The following PCDHA7 variants were observed in gnomAD, a reference collection of about 807,000 sequenced individuals.
The protein encoded by PCDHA7 is protocadherin alpha-7.
In PCDHA7, 37 loss-of-function variants were observed where a neutral mutation model predicts 57.2. The observed-to-expected ratio is 0.65, with a 90% CI of 0.50 to 0.85. The LOEUF (loss-of-function observed/expected upper bound fraction) is 0.85. Among genes scored for constraint, PCDHA7 ranks in the 40% least tolerant of loss-of-function variants. PCDHA7 has a pLI of 0.00. For missense variants in PCDHA7, 1,188 were observed against 1,241.8 expected (o/e 0.96, Z 0.65); for synonymous variants, 553 against 558.8 (o/e 0.99, Z 0.15).
At chr5:140,864,034 T>C (rs2048289814) in intron 1 of PCDHA7, 1 of 153,038 alleles carries the variant, frequency 6.5e-6, no homozygotes, top group African/African-American at 2.4e-5. Flanking sequence ...CTAGCCATCT[T>C]AATCACTTTT....
At position 140,856,129 on chromosome 5, in the gene PCDHA7, C is replaced by A. The variant is rs149039484; in HGVS notation, c.2355+19391C>A. Reference sequence around the variant, plus strand: ...TCCTCGCAGCCTGGGAGGTGGGGAGCGGCCAGCTCCACTACTCAGTCTACG... The same window carrying A: ...TCCTCGCAGCCTGGGAGGTGGGGAGAGGCCAGCTCCACTACTCAGTCTACG... On this transcript the variant is annotated intron_variant, in intron 1 of 3. Coordinates refer to ENST00000525929, the MANE Select transcript of PCDHA7 (RefSeq NM_018910.3). 3,312 of 1,598,096 alleles carry A rather than the reference C, an allele frequency of 2.1e-3. 297 individuals are homozygous for A. Among genetic ancestry groups the A allele is most frequent in the Non-Finnish European group, 2.6e-3 (3,056 of 1,167,792 alleles).
intron 1 of PCDHA7, among the ~76,000 whole-genome samples, chr5:140,959,004 C>G (rs1554223791): frequency 6.6e-6 from 1 of 151,642 alleles, no homozygotes; most frequent in African/African-American, 2.4e-5. Flanking sequence ...TTTACTGTAC[C>G]TAATTTATAC....
chr5:140,969,261 T>G (rs2153777840), intron 1 of PCDHA7: 1 of 1,614,180 alleles, frequency 6.2e-7, no homozygotes, highest in South Asian at 1.1e-5. Flanking sequence ...AGCAGGAATC[T>G]CACAGGCCAA....
At chr5:140,986,508 G>T (rs1043049646) in intron 3 of PCDHA7, among the ~76,000 whole-genome samples, 26 of 152,184 alleles carry the variant, frequency 1.7e-4, no homozygotes, top group African/African-American at 5.3e-4. Context: ...TAAAAGGACT[G>T]CCCCTGCCTG....
At chr5:140,938,187 C>A (rs1584944424) in intron 1 of PCDHA7, among the ~76,000 whole-genome samples, 1 of 152,276 alleles carries the variant, frequency 6.6e-6, no homozygotes, top group Non-Finnish European at 1.5e-5. Context: ...CTCAAGCAAT[C>A]CTCCCACGCC....
chr5:140,856,138 C>T (rs1463600919), intron 1 of PCDHA7: 4 of 1,598,158 alleles, frequency 2.5e-6, no homozygotes, highest in East Asian at 4.5e-5. Flanking sequence ...GCGGCCAGCT[C>T]CACTACTCAG....
chr5:140,978,544 A>G (rs2096808919), intron 1 of PCDHA7, among the ~76,000 whole-genome samples: 1 of 152,234 alleles, frequency 6.6e-6, no homozygotes, highest in Non-Finnish European at 1.5e-5. Context: ...TTGTGTAGCC[A>G]TGTGCCCTGT....
At chr5:140,969,608 CAG>C in intron 1 of PCDHA7, 1 of 747,330 alleles carries the variant, frequency 1.3e-6, no homozygotes, top group South Asian at 2.1e-5. Flanking sequence ...TGCTAAAACA[CAG>C]ATTTGTAGAG....
At chr5:141,000,410 TATATATATATA>T (rs1554257433) in intron 3 of PCDHA7, among the ~76,000 whole-genome samples, 1 of 101,972 alleles carries the variant, frequency 9.8e-6, no homozygotes, top group Non-Finnish European at 2.0e-5. Context: ...TATATATATA[TATATATATATA>T]TTTTTTTTTT....
chr5:140,972,820 C>A (rs1247488574), intron 1 of PCDHA7, among the ~76,000 whole-genome samples: 3 of 151,964 alleles, frequency 2.0e-5, no homozygotes, highest in Admixed American at 6.6e-5. Context: ...CGCGCCACCA[C>A]GCCTGGCTAA....
rs79336587 is a variant in PCDHA7 at position 140,997,550 on chromosome 5, C to T, written c.2504-12077C>T. Reference sequence around the variant, plus strand: ...ATAAAAATACATTATTATAATCTTACAGGACAACTGTCATATGTGTGGTCC... The same window carrying T: ...ATAAAAATACATTATTATAATCTTATAGGACAACTGTCATATGTGTGGTCC... On this transcript the variant is annotated intron_variant, in intron 3 of 3. Coordinates refer to ENST00000525929, the MANE Select transcript of PCDHA7 (RefSeq NM_018910.3). Among the ~76,000 whole-genome samples, 1,283 of 152,208 alleles carry T rather than the reference C, an allele frequency of 8.4e-3. 21 individuals carry two copies. The highest frequency in any genetic ancestry group is 0.029 in the African/African-American group (1,211 of 41,522).
In PCDHA7 at chr5:140,844,228, G is replaced by A. The variant is rs1179181710; in HGVS notation, c.2355+7490G>A. The stretch of plus-strand genomic sequence containing the variant: ...TCTGGTAGTCACAAATATCTTTGGT[G>A]TTTCACTATTGCCGTTTTAAGCAGT... On this transcript the variant is annotated intron_variant, in intron 1 of 3. Transcript: ENST00000525929. Among the ~76,000 whole-genome samples the A allele has an allele frequency of 2.0e-5, 3 of 149,332 alleles. 1 individual carries two copies. Among genetic ancestry groups the A allele is most frequent in the Non-Finnish European group, 3.0e-5 (2 of 66,778 alleles).
At position 141,009,998 on chromosome 5, in the gene PCDHA7, T is replaced by C. The variant is rs1046818514; in HGVS notation, c.*61T>C. 6 of 1,575,876 alleles carry C rather than the reference T, an allele frequency of 3.8e-6. No individual in the cohort carries two copies. The African/African-American group carries it at 5.5e-5, about 14-fold the overall frequency. ...TTGTAATAATGGCAAATCTCTCCCA[T>C]GTAGCAATTCCCTGCTCCTTTTTCC... is the stretch of plus-strand genomic sequence containing the variant. On this transcript the variant is annotated 3_prime_UTR_variant, in exon 4 of 4. Transcript: ENST00000525929.
chr5:140,910,924 A>G (rs568597600), intron 1 of PCDHA7, among the ~76,000 whole-genome samples: 2 of 152,260 alleles, frequency 1.3e-5, no homozygotes, highest in South Asian at 4.1e-4. Flanking sequence ...GCTTATATAA[A>G]TAAGAAAGCT....
intron 1 of PCDHA7, chr5:140,883,984 C>T: frequency 2.5e-6 from 4 of 1,612,818 alleles, no homozygotes. Context: ...GGGCTGGCAG[C>T]GCGGGAGGCA....
chr5:140,887,286 T>TG (rs1171397329), intron 1 of PCDHA7, among the ~76,000 whole-genome samples: 1 of 151,952 alleles, frequency 6.6e-6, no homozygotes, highest in Non-Finnish European at 1.5e-5. Context: ...TTAGTAGAGA[T>TG]GGGGTTTCAT....
At chr5:140,956,020 T>C (rs2095249402) in intron 1 of PCDHA7, among the ~76,000 whole-genome samples, 1 of 152,240 alleles carries the variant, frequency 6.6e-6, no homozygotes, top group Non-Finnish European at 1.5e-5. Context: ...TTTGCTGAAG[T>C]TGCTTATCAG....
At chr5:140,898,782 G>A (rs1170822216) in intron 1 of PCDHA7, among the ~76,000 whole-genome samples, 5 of 152,306 alleles carry the variant, frequency 3.3e-5, no homozygotes, top group Middle Eastern at 3.4e-3. Context: ...ACCTTGGGCA[G>A]TATGGCCATT....
chr5:140,993,617 C>A (rs1299213362), intron 3 of PCDHA7, among the ~76,000 whole-genome samples: 3 of 152,034 alleles, frequency 2.0e-5, no homozygotes, highest in Non-Finnish European at 4.4e-5. Context: ...TGTTGGGACC[C>A]TCTATATATA....
Sources: gnomAD v4.1 joint callset for allele counts (sites outside exome capture counted in the v4.1 genomes callset) on GRCh38, gnomAD v4.1.1 for gene constraint, MANE v1.5 for transcripts, NCBI Gene and HGNC (gene_info 2026-07-23, HGNC 2026-07-21) for gene names.